RPS6KA5: variants seen among roughly 807,000 people sequenced by gnomAD.
RPS6KA5 encodes ribosomal protein S6 kinase alpha-5.
A neutral mutation model predicts 85.5 loss-of-function variants in RPS6KA5; 27 were observed. The ratio of observed to expected loss-of-function variants is 0.32; its 90% CI spans 0.23 to 0.44. RPS6KA5 has a LOEUF of 0.44. Ranked by LOEUF, RPS6KA5 falls within the 20% of genes least tolerant of loss-of-function variation. The pLI is 1.00. For synonymous variants in RPS6KA5, 334 were observed against 348.2 expected (o/e 0.96, Z 0.46); for missense variants, 811 against 980.9 (o/e 0.83, Z 2.31).
At chr14:90,912,904 CTTTTTTT>C (rs57029403) in intron 7 of RPS6KA5, among the ~76,000 whole-genome samples, 10 of 53,288 alleles carry the variant, frequency 1.9e-4, no homozygotes, top group Non-Finnish European at 2.8e-4. Context: ...CATAAAGCAT[CTTTTTTT>C]TTTTTTTTTT....
At chr14:90,920,424 C>A (rs1056120324) in intron 6 of RPS6KA5, 115 bp from the exon 7 acceptor site, 1 of 712,354 alleles carries the variant, frequency 1.4e-6, no homozygotes, top group South Asian at 1.8e-5. Context: ...TGATTTTGTA[C>A]ACCTCCTTCT....
At chr14:91,006,587 T>C (rs1273137662) in intron 1 of RPS6KA5, among the ~76,000 whole-genome samples, 1 of 152,188 alleles carries the variant, frequency 6.6e-6, no homozygotes, top group African/African-American at 2.4e-5. Context: ...CACCAGACAC[T>C]GGAGCTGCCA....
At chr14:90,902,701 G>T (rs2035242393) in intron 9 of RPS6KA5, 107 bp downstream of exon 9, 4 of 995,412 alleles carry the variant, frequency 4.0e-6, no homozygotes, top group Non-Finnish European at 5.8e-6. Context: ...GGATATTAGA[G>T]AATCCCATTT....
In RPS6KA5 at chr14:90,862,546, C is replaced by A. The variant is rs141994952; in HGVS notation, c.*9528G>T. On this transcript the variant is annotated 3_prime_UTR_variant, in exon 17 of 17. Transcript: ENST00000614987. ...ACAGTGGTACAATCTTGGTTCACTG[C>A]AACTTCTGCTTCCTGGACTCAAGTG... 0.015 allele frequency: 2,214 copies of A among 152,236 alleles called. 32 individuals carry two copies. The highest frequency in any genetic ancestry group is 0.021 in the Non-Finnish European group (1,406 of 68,098). 9.4% of individuals were successfully genotyped at this position (152,236 alleles called of 1,614,324 possible). A position where few individuals can be genotyped will look rare whatever the true frequency, so the allele number is the denominator to read the frequency against.
chr14:91,036,785 CTGCCCCCTCTAGTTCAGGG>C (rs2042426469), intron 1 of RPS6KA5, among the ~76,000 whole-genome samples: 1 of 152,218 alleles, frequency 6.6e-6, no homozygotes, highest in Non-Finnish European at 1.5e-5. Context: ...CTACTGGCTC[CTGCCCCCTCTAGTTCAGGG>C]TTGCCCAAGG....
At chr14:90,905,773 T>A (rs142301512) in intron 8 of RPS6KA5, among the ~76,000 whole-genome samples, 1 of 152,184 alleles carries the variant, frequency 6.6e-6, no homozygotes, top group Non-Finnish European at 1.5e-5. Flanking sequence ...CAGTAATAGC[T>A]CATGAACTGA....
chr14:90,983,286 A>G, intron 2 of RPS6KA5, among the ~76,000 whole-genome samples: 1 of 151,672 alleles, frequency 6.6e-6, no homozygotes, highest in Non-Finnish European at 1.5e-5. Context: ...CAAAAAAAAA[A>G]AAAAAAGAAA....
intron 3 of RPS6KA5, among the ~76,000 whole-genome samples, chr14:90,961,049 C>T (rs753404570): frequency 2.0e-5 from 3 of 152,124 alleles, no homozygotes; most frequent in East Asian, 1.9e-4. Context: ...GACAAGAATC[C>T]GGATGTAAAA....
intron 14 of RPS6KA5, among the ~76,000 whole-genome samples, chr14:90,878,544 GAAGGAAAGA>G (rs2033625431): frequency 6.6e-6 from 1 of 152,206 alleles, no homozygotes; most frequent in South Asian, 2.1e-4. Context: ...TATCTATAGT[GAAGGAAAGA>G]AAGGAAAGCA....
rs1369989865 is a variant in RPS6KA5 at position 90,856,673 on chromosome 14, T to C, written c.*15401A>G. 6.6e-6 allele frequency: 1 copy of C among 152,242 alleles called. No homozygotes were observed. Among genetic ancestry groups the C allele is most frequent in the South Asian group, 2.1e-4 (1 of 4,844 alleles). The allele number at this position is 152,242 out of a possible 1,614,324, so 9.4% of individuals were successfully genotyped here. On this transcript the variant is annotated 3_prime_UTR_variant, in exon 17 of 17. Coordinates refer to ENST00000614987, the MANE Select transcript of RPS6KA5 (RefSeq NM_004755.4). ...CCACTGTGCACGGCCTGTGTGTGAT[T>C]TTTTAAAATATAAGATAAAATTCAT...
Position 90,853,147 on chromosome 14 carries a change from ATTG to A in RPS6KA5, c.*18924_*18926del, listed in dbSNP as rs1437746659. The A allele has an allele frequency of 2.0e-5, 3 of 152,120 alleles. No individual in the cohort carries two copies. The highest frequency in any genetic ancestry group is 4.4e-5 in the Non-Finnish European group (3 of 68,034). 9.4% of individuals were successfully genotyped at this position (152,120 alleles called of 1,614,324 possible). A position where few individuals can be genotyped will look rare whatever the true frequency, so the allele number is the denominator to read the frequency against. ...ATAAAATGAGTTCACTATAAAAAAAATTGTTATGATGCTTTACTTAATTTGCCC... is the reference window on the plus strand; with the variant it reads ...ATAAAATGAGTTCACTATAAAAAAAATTATGATGCTTTACTTAATTTGCCC... On this transcript the variant is annotated 3_prime_UTR_variant, in exon 17 of 17. Transcript: ENST00000614987.
intron 3 of RPS6KA5, among the ~76,000 whole-genome samples, chr14:90,953,745 G>C (rs372421194): frequency 6.6e-6 from 1 of 152,076 alleles, no homozygotes; most frequent in Non-Finnish European, 1.5e-5. Context: ...ACTGAAATAC[G>C]CCCTGGTCTC....
intron 3 of RPS6KA5, among the ~76,000 whole-genome samples, chr14:90,959,043 T>G (rs1333754312): frequency 1.3e-5 from 2 of 151,846 alleles, no homozygotes; most frequent in Non-Finnish European, 2.9e-5. Flanking sequence ...CCTGAGGCAG[T>G]GCAGGCCTGG....
Position 90,883,721 on chromosome 14 carries a change from T to A in RPS6KA5, c.1836+6766A>T, listed in dbSNP as rs7155921. Among the ~76,000 whole-genome samples, 3 of 152,128 alleles carry A rather than the reference T, an allele frequency of 2.0e-5. No individual in the cohort carries two copies. The East Asian group carries it at 5.8e-4, about 29-fold the overall frequency. On this transcript the variant is annotated intron_variant, in intron 14 of 16. Coordinates refer to ENST00000614987, the MANE Select transcript of RPS6KA5 (RefSeq NM_004755.4). ...TGTGATTCTTGTTGAAAATGGGACC[T>A]TGAACTTAATGATGTGGTACCTCTG... is the stretch of plus-strand genomic sequence containing the variant.
chr14:90,914,310 T>G (rs111315970), intron 7 of RPS6KA5, among the ~76,000 whole-genome samples: 48 of 1,934 alleles, frequency 0.025, no homozygotes, highest in African/African-American at 0.091. Context: ...ATCCCTAGGG[T>G]TTTTTTTTTT....
At position 90,923,122 on chromosome 14, in the gene RPS6KA5, T is replaced by C; in HGVS notation, c.693A>G (p.Gly231=). 1.2e-6 allele frequency: 2 copies of C among 1,608,456 alleles called. No individual in the cohort carries two copies. ...APDIVRGGDS[G]HDKAVDWWSL... is the part of the protein sequence containing the mutation. ...CAAAAATAGAACATACCTTGTCATG[T>C]CCTGAATCTCCCCCTCTGACAATAT... Residue 231 remains glycine, a synonymous_variant, in exon 6 of 17, where the codon GGA becomes GGG. Coordinates refer to ENST00000614987, the MANE Select transcript of RPS6KA5 (RefSeq NM_004755.4).
intron 1 of RPS6KA5, among the ~76,000 whole-genome samples, chr14:91,017,284 T>C (rs1036178615): frequency 1.3e-5 from 2 of 152,254 alleles, no homozygotes; most frequent in Non-Finnish European, 2.9e-5. Flanking sequence ...TTGTTCTTGC[T>C]GTAACAGACA....
Position 90,899,389 on chromosome 14 carries a change from A to C in RPS6KA5, c.1413T>G (p.Ala471=). The part of the protein sequence containing the change: ...MEANTQKEIT[A]LKLCEGHPNI... ...TGGGGTGTCCTTCACAGAGTTTCAG[A>C]GCTGTTATTTCCTTTTGAGTATTGG... is the stretch of plus-strand genomic sequence containing the variant. The change falls in exon 12 of 17, where the codon GCT becomes GCG. Residue 471 remains alanine (A), a synonymous_variant. Transcript: ENST00000614987. The C allele has an allele frequency of 6.2e-7, 1 of 1,613,382 alleles. No individual in the cohort carries two copies.
intron 3 of RPS6KA5, among the ~76,000 whole-genome samples, chr14:90,972,411 G>T (rs1323429502): frequency 1.3e-5 from 2 of 152,052 alleles, no homozygotes; most frequent in Non-Finnish European, 2.9e-5. Flanking sequence ...TATAGTACTG[G>T]TACATGACTT....
Sources: gnomAD v4.1 joint callset for allele counts (sites outside exome capture counted in the v4.1 genomes callset) on GRCh38, gnomAD v4.1.1 for gene constraint, MANE v1.5 for transcripts, NCBI Gene and HGNC (gene_info 2026-07-23, HGNC 2026-07-21) for gene names.